RAB38: variants seen among roughly 807,000 people sequenced by gnomAD.
RAB38 encodes ras-related protein Rab-38.
Under a neutral mutation model 18.4 loss-of-function variants are expected in RAB38, and 15 were observed. The observed-to-expected ratio is 0.82, with a 90% confidence interval of 0.55 to 1.26. RAB38 has a LOEUF of 1.26. Ranked by LOEUF, RAB38 falls within the 50% of genes most tolerant of loss-of-function variation. The probability of loss-of-function intolerance (pLI) is 0.00; values close to 1 mark genes in which losing one functional copy is unlikely to be tolerated. For missense variants in RAB38, 294 were observed against 267.4 expected, an observed-to-expected ratio of 1.10 and a Z score of -0.69; for synonymous variants, 101 against 104.4, an observed-to-expected ratio of 0.97 and a Z score of 0.20.
the RAB38 span, among the ~76,000 whole-genome samples, chr11:87,976,118 A>G: frequency 0.78 from 110,743 of 141,818 alleles, 41,724 homozygotes; most frequent in African/African-American, 0.84. Context: ...GTGTGCGTGT[A>G]AATATATATA....
At chr11:88,087,020 G>A in the RAB38 span, among the ~76,000 whole-genome samples, 1 of 151,920 alleles carries the variant, frequency 6.6e-6, no homozygotes, top group Admixed American at 6.6e-5. Context: ...GTCTTGTAAT[G>A]CAACTTTCAA....
At chr11:88,154,117 A>G (rs977828097) in intron 1 of RAB38, among the ~76,000 whole-genome samples, 2 of 152,202 alleles carry the variant, frequency 1.3e-5, no homozygotes, top group Non-Finnish European at 2.9e-5. Flanking sequence ...TGCCAAGGGA[A>G]AGCACTTTGT....
At chr11:87,941,220 T>G in the RAB38 span, among the ~76,000 whole-genome samples, 16 of 108,578 alleles carry the variant, frequency 1.5e-4, no homozygotes, top group African/African-American at 3.5e-4. Context: ...ATGAGATATA[T>G]ATATATATAT....
chr11:88,122,845 G>A (rs1030159145), intron 2 of RAB38, among the ~76,000 whole-genome samples: 8 of 152,190 alleles, frequency 5.3e-5, no homozygotes, highest in Admixed American at 5.2e-4. Context: ...ACTGAGGACT[G>A]AGACTGGTAC....
At chr11:88,011,397 G>A in the RAB38 span, among the ~76,000 whole-genome samples, 1,018 of 152,216 alleles carry the variant, frequency 6.7e-3, 8 homozygotes, top group African/African-American at 0.023. Context: ...AGATGTATGC[G>A]TATTATTCCT....
chr11:87,905,578 T>C, the RAB38 span, among the ~76,000 whole-genome samples: 1 of 151,920 alleles, frequency 6.6e-6, no homozygotes, highest in African/African-American at 2.4e-5. Context: ...GCCTTATTCC[T>C]GAGATGTGAG....
chr11:88,159,652 C>G (rs1336774824), intron 1 of RAB38, among the ~76,000 whole-genome samples: 1 of 151,846 alleles, frequency 6.6e-6, no homozygotes, highest in African/African-American at 2.4e-5. Context: ...TGAAACAGAA[C>G]AGAGAAACCA....
At chr11:87,895,531 A>G in the RAB38 span, among the ~76,000 whole-genome samples, 1 of 151,602 alleles carries the variant, frequency 6.6e-6, no homozygotes, top group Non-Finnish European at 1.5e-5. Context: ...TAGTTCTCTT[A>G]TCCTCCCAAC....
chr11:87,948,781 G>T, the RAB38 span, among the ~76,000 whole-genome samples: 1 of 150,720 alleles, frequency 6.6e-6, no homozygotes, highest in African/African-American at 2.5e-5. Context: ...TGTGCTGCTG[G>T]ATTCGGTTTG....
chr11:88,031,353 A>G, the RAB38 span, among the ~76,000 whole-genome samples: 3 of 148,150 alleles, frequency 2.0e-5, no homozygotes, highest in African/African-American at 7.4e-5. Flanking sequence ...ACTCCTATTC[A>G]ACATAGTGTT....
the RAB38 span, among the ~76,000 whole-genome samples, chr11:87,943,524 T>G: frequency 6.6e-6 from 1 of 152,076 alleles, no homozygotes; most frequent in South Asian, 2.1e-4. Context: ...AACAAATGAT[T>G]GATAGAAAAT....
the RAB38 span, among the ~76,000 whole-genome samples, chr11:87,873,848 G>T: frequency 1.4e-5 from 2 of 147,386 alleles, no homozygotes; most frequent in African/African-American, 5.0e-5. Flanking sequence ...TTATTGATTT[G>T]CCAGTGTATA....
the RAB38 span, among the ~76,000 whole-genome samples, chr11:87,902,340 C>T: frequency 1.3e-5 from 2 of 151,502 alleles, no homozygotes; most frequent in African/African-American, 4.8e-5. Flanking sequence ...TTATTGTATC[C>T]GCAATTGTCG....
intron 2 of RAB38, among the ~76,000 whole-genome samples, chr11:88,141,584 C>T (rs1319371280): frequency 1.3e-5 from 2 of 152,152 alleles, no homozygotes; most frequent in African/African-American, 4.8e-5. Context: ...GATTTTTGGA[C>T]ATTACTAAGA....
chr11:88,003,868 T>TA, the RAB38 span, among the ~76,000 whole-genome samples: 2 of 9,968 alleles, frequency 2.0e-4, no homozygotes, highest in Non-Finnish European at 2.0e-4. Flanking sequence ...ATAAATATAA[T>TA]TATATATTTA....
intron 2 of RAB38, among the ~76,000 whole-genome samples, chr11:88,139,898 C>A (rs35558504): frequency 1.3e-5 from 2 of 152,118 alleles, no homozygotes; most frequent in African/African-American, 4.8e-5. Flanking sequence ...AATTCTGTTT[C>A]TTTCTTAGTA....
chr11:88,028,878 A>T, the RAB38 span, among the ~76,000 whole-genome samples: 2 of 152,170 alleles, frequency 1.3e-5, no homozygotes, highest in Non-Finnish European at 2.9e-5. Context: ...AATATAGAGA[A>T]TGCCACAAAG....
chr11:88,062,937 T>A, the RAB38 span, among the ~76,000 whole-genome samples: 1 of 152,226 alleles, frequency 6.6e-6, no homozygotes. Context: ...TGAACCTGGA[T>A]GATGGGATTA....
intron 2 of RAB38, among the ~76,000 whole-genome samples, chr11:88,134,054 C>G (rs367549077): frequency 6.6e-6 from 1 of 152,162 alleles, no homozygotes; most frequent in Admixed American, 6.5e-5. Context: ...ACATAACAAC[C>G]AAACATATCT....
Sources: allele counts gnomAD v4.1 joint callset (sites outside exome capture counted in the v4.1 genomes callset), GRCh38; gene constraint gnomAD v4.1.1; transcripts MANE v1.5; gene names NCBI Gene and HGNC (gene_info 2026-07-23, HGNC 2026-07-21).